BIRC6: variants seen among roughly 807,000 people sequenced by gnomAD.
The protein encoded by BIRC6 is dual E2 ubiquitin-conjugating enzyme/E3 ubiquitin-protein ligase BIRC6.
A neutral mutation model predicts 503.3 loss-of-function variants in BIRC6; 98 were observed. The ratio of observed to expected loss-of-function variants is 0.19; its 90% CI spans 0.17 to 0.23. The LOEUF is 0.23. BIRC6 is among the 10% of genes least tolerant of loss of function. The pLI, the probability that BIRC6 is intolerant of heterozygous loss-of-function variation, is 1.00. For synonymous variants in BIRC6, 2,240 were observed against 2,078.7 expected, an observed-to-expected ratio of 1.08 and a Z score of -2.11; for missense variants, 5,360 against 5,806.0, an observed-to-expected ratio of 0.92 and a Z score of 2.50.
chr2:32,521,463 T>G (rs1172197541), intron 57 of BIRC6, among the ~76,000 whole-genome samples: 1 of 149,352 alleles, frequency 6.7e-6, no homozygotes, highest in East Asian at 2.0e-4. Context: ...TCTCTCTCTG[T>G]TTTTTTTGTT....
At chr2:32,491,651 T>G in intron 44 of BIRC6, 93 bp downstream of exon 44, 1 of 1,294,740 alleles carries the variant, frequency 7.7e-7, no homozygotes, top group Non-Finnish European at 1.1e-6. Flanking sequence ...GCTAAAGTAT[T>G]AAATAATAGC....
At chr2:32,430,823 TTTTC>T in intron 11 of BIRC6, 38 bp from the exon 12 acceptor site, 1 of 1,034,566 alleles carries the variant, frequency 9.7e-7, no homozygotes, top group Admixed American at 2.7e-5. Flanking sequence ...TTTTTTTTTT[TTTTC>T]CACACCTATT....
chr2:32,375,575 C>T (rs1280666651), intron 1 of BIRC6, among the ~76,000 whole-genome samples: 2 of 151,264 alleles, frequency 1.3e-5, no homozygotes, highest in African/African-American at 4.8e-5. Flanking sequence ...GCATGAGCCA[C>T]CATGCCAGGC....
At chr2:32,519,912 A>G (rs2055463000) in intron 57 of BIRC6, among the ~76,000 whole-genome samples, 1 of 152,242 alleles carries the variant, frequency 6.6e-6, no homozygotes, top group African/African-American at 2.4e-5. Flanking sequence ...TGCAATCACT[A>G]TAATTTGTCC....
chr2:32,493,749 G>A, intron 45 of BIRC6, 82 bp downstream of exon 45: 6 of 1,175,758 alleles, frequency 5.1e-6, no homozygotes, highest in Non-Finnish European at 7.1e-6. Context: ...ACATTTGTTG[G>A]GAATTTATCT....
chr2:32,510,141 C>T, intron 52 of BIRC6, 147 bp downstream of exon 52: 1 of 1,018,420 alleles, frequency 9.8e-7, no homozygotes, highest in Non-Finnish European at 1.4e-6. Flanking sequence ...GATGGAGTCT[C>T]ACTCTGTTGC....
At chr2:32,494,998 T>A (rs1438317558) in intron 45 of BIRC6, among the ~76,000 whole-genome samples, 1 of 152,252 alleles carries the variant, frequency 6.6e-6, no homozygotes, top group Non-Finnish European at 1.5e-5. Context: ...ACAGTATTTA[T>A]ACATACTTTG....
Position 32,415,440 on chromosome 2 carries a change from G to C in BIRC6, c.2149G>C (p.Val717Leu). 1 of 1,613,974 alleles carries C rather than the reference G, an allele frequency of 6.2e-7. No homozygotes were observed. Among genetic ancestry groups the C allele is most frequent in the Non-Finnish European group, 8.5e-7 (1 of 1,179,890 alleles). ...NSVFPKPGTL[V>L]QCLRLPKFAE... ...TGTGTTTCCCAAGCCTGGGACTTTG[G>C]TTCAGTGCTTGAGGCTGCCAAAGTT... The change falls in exon 10 of 74, where the codon GTT becomes CTT. Residue 717 changes from valine to leucine, a missense_variant. This residue lies in a region of BIRC6 where 700 missense variants were observed against 739.3 expected (regional missense o/e 0.95). Transcript: ENST00000421745.
chr2:32,414,680 TAAATA>T (rs2042232465), intron 9 of BIRC6, 84 bp from the exon 10 acceptor site: 9 of 973,712 alleles, frequency 9.2e-6, no homozygotes, highest in Non-Finnish European at 1.3e-5. Flanking sequence ...AATAAATAAA[TAAATA>T]AATAAATAAT....
At chr2:32,367,242 C>T (rs908652241) in intron 1 of BIRC6, among the ~76,000 whole-genome samples, 1 of 151,768 alleles carries the variant, frequency 6.6e-6, no homozygotes, top group East Asian at 2.0e-4. Context: ...GTGGGTGGGT[C>T]ACCTGAGGTA....
Position 32,529,985 on chromosome 2 carries a change from C to A in BIRC6, c.12094+161C>A, listed in dbSNP as rs2056595530. 2.0e-5 allele frequency among the ~76,000 whole-genome samples: 3 copies of A among 152,120 alleles called. No individual in the cohort carries two copies. In the South Asian group the frequency reaches 6.2e-4, roughly 32 times the overall value. On this transcript the variant is annotated intron_variant, in intron 60 of 73. Coordinates refer to ENST00000421745, the MANE Select transcript of BIRC6 (RefSeq NM_016252.4). ...TAAATATAAAAAATGGCCATTATTT[C>A]ATTTGGAAACTAAGTTGCATTATTT...
At chr2:32,411,837 A>G (rs1402123695) in intron 9 of BIRC6, among the ~76,000 whole-genome samples, 1 of 152,180 alleles carries the variant, frequency 6.6e-6, no homozygotes, top group East Asian at 1.9e-4. Context: ...GACTGAAAGA[A>G]GTTTCTGCCA....
At chr2:32,497,643 A>G (rs981326559) in intron 45 of BIRC6, among the ~76,000 whole-genome samples, 2 of 152,166 alleles carry the variant, frequency 1.3e-5, no homozygotes, top group Admixed American at 6.5e-5. Context: ...ATGTATATGT[A>G]TTAATGTTTA....
intron 2 of BIRC6, among the ~76,000 whole-genome samples, chr2:32,378,254 T>C (rs575058019): frequency 4.1e-4 from 62 of 152,120 alleles, no homozygotes; most frequent in African/African-American, 1.5e-3. Flanking sequence ...CCCAGCCCCC[T>C]CTCCTACTCA....
Position 32,430,928 on chromosome 2 carries a change from C to T in BIRC6, c.3086C>T (p.Thr1029Ile). Residue 1029 changes from threonine (T) to isoleucine (I), a missense_variant, in exon 12 of 74, where the codon ACC (threonine) becomes ATC (isoleucine). Thr to Ile is a moderately conservative substitution (Grantham distance 89). Transcript: ENST00000421745. The part of the protein sequence containing the change: ...LEILTSLVEL[T>I]RFETLTPRFS... ...ATCTTGACATCCCTAGTGGAGCTAA[C>T]CCGCTTTGAGACTTTGACTCCAAGG... 2.5e-6 allele frequency: 4 copies of T among 1,608,182 alleles called. No homozygotes were observed. The South Asian group carries it at 3.3e-5, about 13-fold the overall frequency.
chr2:32,611,507 G>C lies in BIRC6; in HGVS notation c.14319G>C (p.Trp4773Cys). ...AGATAATGGCCCAATGTGAGGAGTGGATTGCGGATATCCAGCAGTACAGCA... is the reference window on the plus strand; with the variant it reads ...AGATAATGGCCCAATGTGAGGAGTGCATTGCGGATATCCAGCAGTACAGCA... ...RVEIMAQCEE[W>C]IADIQQYSSD... Residue 4773 changes from tryptophan to cysteine, a missense_variant, in exon 73 of 74, where the codon TGG (tryptophan) becomes TGC (cysteine). Around this residue, in one of 16 missense-constraint regions of BIRC6, gnomAD observed 140 missense variants for 130.2 expected, o/e 1.07. Coordinates refer to ENST00000421745, the MANE Select transcript of BIRC6 (RefSeq NM_016252.4). The C allele has an allele frequency of 2.5e-6, 4 of 1,611,396 alleles. No homozygotes were observed. Among genetic ancestry groups the C allele is most frequent in the Non-Finnish European group, 3.4e-6 (4 of 1,178,348 alleles).
At chr2:32,479,839 G>C (rs2050173997) in intron 37 of BIRC6, among the ~76,000 whole-genome samples, 2 of 152,250 alleles carry the variant, frequency 1.3e-5, no homozygotes, top group Admixed American at 1.3e-4. Context: ...GATATAGTGT[G>C]ATTTGGCAAC....
chr2:32,610,753 C>T (rs2062811877), intron 72 of BIRC6, among the ~76,000 whole-genome samples: 2 of 152,044 alleles, frequency 1.3e-5, no homozygotes, highest in Non-Finnish European at 1.5e-5. Flanking sequence ...TTTCTCTTTT[C>T]TCTCCTCCCC....
In BIRC6 at chr2:32,433,814, T is replaced by C; in HGVS notation, c.3409+10T>C. The C allele has an allele frequency of 1.3e-6, 2 of 1,489,422 alleles. No homozygotes were observed. Among genetic ancestry groups the C allele is most frequent in the Non-Finnish European group, 9.1e-7 (1 of 1,100,920 alleles). The allele number at this position is 1,489,422 out of a possible 1,614,324, so 92.3% of individuals were successfully genotyped here. ...TTAGGGAAAGTCAATGGTAAGAATGTATCAAAATTTATCTTTGAAGATTTT... is the reference window on the plus strand; with the variant it reads ...TTAGGGAAAGTCAATGGTAAGAATGCATCAAAATTTATCTTTGAAGATTTT... On this transcript the variant is annotated intron_variant, in intron 13 of 73. Transcript: ENST00000421745.
Sources: allele counts gnomAD v4.1 joint callset (sites outside exome capture counted in the v4.1 genomes callset), GRCh38; gene constraint gnomAD v4.1.1; regional missense constraint gnomAD v4.1.1; transcripts MANE v1.5; gene names NCBI Gene and HGNC (gene_info 2026-07-23, HGNC 2026-07-21).